Variants in ZNF100 observed in about 807,000 individuals in gnomAD.
ZNF100 encodes zinc finger protein 100, also known as zinc finger protein 100 (Y1).
ZNF100 carries 12 observed loss-of-function variants against 15.8 expected under a neutral mutation model. That is an observed-to-expected ratio of 0.76 (90% CI 0.49 to 1.23). The LOEUF is 1.23. ZNF100 is among the 50% of genes most tolerant of loss of function. ZNF100 has a pLI of 0.00. For synonymous variants in ZNF100, 226 were observed against 214.8 expected (o/e 1.05, Z -0.45); for missense variants, 670 against 635.6 (o/e 1.05, Z -0.58).
At chr19:21,755,013 T>C (rs1435442001) in intron 2 of ZNF100, among the ~76,000 whole-genome samples, 2 of 152,170 alleles carry the variant, frequency 1.3e-5, no homozygotes, top group Non-Finnish European at 2.9e-5. Context: ...GACATTTATG[T>C]GGCCAACAAA....
At chr19:21,755,596 G>A (rs997617240) in intron 2 of ZNF100, among the ~76,000 whole-genome samples, 1 of 151,958 alleles carries the variant, frequency 6.6e-6, no homozygotes. Context: ...ATACCCAAAG[G>A]AATATAAACC....
chr19:21,740,380 C>T (rs1031822147), intron 4 of ZNF100, among the ~76,000 whole-genome samples: 4 of 152,036 alleles, frequency 2.6e-5, no homozygotes, highest in African/African-American at 9.7e-5. Context: ...AAAGTCATGA[C>T]ATGGGTCTTG....
At position 21,724,810 on chromosome 19, in the gene ZNF100, G is replaced by C. The variant is rs2035746663; in HGVS notation, c.*1873C>G. The stretch of plus-strand genomic sequence containing the variant: ...CTCATGCCTGTAATCCCAGAACTTT[G>C]GGAAGCCGAGGCAGGCAAATCATTT... On this transcript the variant is annotated 3_prime_UTR_variant, in exon 5 of 5. Transcript: ENST00000358296. 6.6e-6 allele frequency: 1 copy of C among 152,082 alleles called. No homozygotes were observed. The highest frequency in any genetic ancestry group is 2.4e-5 in the African/African-American group (1 of 41,400). 9.4% of individuals were successfully genotyped at this position (152,082 alleles called of 1,614,324 possible).
chr19:21,745,088 GAC>G (rs776217016), intron 2 of ZNF100, 21 bp from the exon 3 acceptor site: 5 of 1,588,350 alleles, frequency 3.1e-6, no homozygotes, highest in African/African-American at 1.4e-5. Flanking sequence ...CAAGCACAGA[GAC>G]ACACATATAT....
chr19:21,730,830 CAAT>C (rs1022281453), intron 4 of ZNF100, among the ~76,000 whole-genome samples: 7 of 150,430 alleles, frequency 4.7e-5, no homozygotes, highest in East Asian at 2.0e-4. Context: ...GAGTATAAAA[CAAT>C]AATAGAAAAA....
At chr19:21,744,527 C>T (rs1293078008) in intron 3 of ZNF100, among the ~76,000 whole-genome samples, 1 of 152,124 alleles carries the variant, frequency 6.6e-6, no homozygotes, top group African/African-American at 2.4e-5. Context: ...CGCCTGCCAC[C>T]ATGCCCGGCT....
At chr19:21,732,551 TATAAA>T (rs2035937934) in intron 4 of ZNF100, among the ~76,000 whole-genome samples, 1 of 151,784 alleles carries the variant, frequency 6.6e-6, no homozygotes, top group Admixed American at 6.6e-5. Flanking sequence ...ACAATGGCAA[TATAAA>T]ATAAAACACC....
intron 4 of ZNF100, among the ~76,000 whole-genome samples, chr19:21,733,328 C>CTT (rs781255358): frequency 0.082 from 12,436 of 151,876 alleles, 637 homozygotes; most frequent in South Asian, 0.18. Context: ...GAAAATATAA[C>CTT]AACAGAGGTT....
chr19:21,748,790 T>C (rs1021072098), intron 2 of ZNF100, among the ~76,000 whole-genome samples: 5 of 152,160 alleles, frequency 3.3e-5, no homozygotes, highest in African/African-American at 1.2e-4. Context: ...ACGCAAACTC[T>C]ACCTCCTGGG....
chr19:21,728,255 A>G (rs1372536918), intron 4 of ZNF100, among the ~76,000 whole-genome samples: 2 of 152,108 alleles, frequency 1.3e-5, no homozygotes, highest in African/African-American at 2.4e-5. Flanking sequence ...CATTTACCCA[A>G]CAGAGCTCTT....
At chr19:21,765,015 T>C (rs1382798029) in intron 2 of ZNF100, among the ~76,000 whole-genome samples, 2 of 151,774 alleles carry the variant, frequency 1.3e-5, no homozygotes, top group Non-Finnish European at 2.9e-5. Context: ...CACTCAGCCA[T>C]AAAAAAAACA....
chr19:21,756,245 C>T (rs990629694), intron 2 of ZNF100, among the ~76,000 whole-genome samples: 9 of 152,132 alleles, frequency 5.9e-5, no homozygotes, highest in South Asian at 2.1e-4. Context: ...CTTTCACAAA[C>T]TTACAGCCAA....
intron 2 of ZNF100, chr19:21,752,575 A>AC (rs1555707316): frequency 2.6e-5 from 4 of 152,584 alleles, no homozygotes; most frequent in African/African-American, 9.7e-5. Flanking sequence ...AGTATCAGTT[A>AC]TGATATCTAC....
chr19:21,727,953 T>G lies in ZNF100; in HGVS notation c.359A>C (p.Glu120Ala). The G allele has an allele frequency of 1.3e-6, 2 of 1,557,656 alleles. No individual in the cohort carries two copies. Among genetic ancestry groups the G allele is most frequent in the Non-Finnish European group, 8.6e-7 (1 of 1,157,102 alleles). Residue 120 changes from glutamate (E) to alanine (A), a missense_variant, in exon 5 of 5, where the codon GAG (glutamate) becomes GCG (alanine). Glu to Ala is a moderately radical substitution (Grantham distance 107). Coordinates refer to ENST00000358296, the MANE Select transcript of ZNF100 (RefSeq NM_173531.4). The stretch of plus-strand genomic sequence containing the variant: ...TTGAAAAGAATCTTTAATGTCCTGC[T>G]CTGCCCAAAGGTCTTGGGGAAAATG... ...CSHFPQDLWAEQDIKDSFQEA... is the reference protein window; with the variant it reads ...CSHFPQDLWAAQDIKDSFQEA...
chr19:21,767,479 T>C lies in ZNF100; in HGVS notation c.-50A>G. 6.2e-7 allele frequency: 1 copy of C among 1,612,564 alleles called. No homozygotes were observed. Among genetic ancestry groups the C allele is most frequent in the Non-Finnish European group, 8.5e-7 (1 of 1,178,958 alleles). On this transcript the variant is annotated 5_prime_UTR_variant, in exon 1 of 5. Transcript: ENST00000358296. ...CGTCTTAGCTGTGGATCTCCCAATATCTGCAGGTCAGAGGGCCACACAGGC... is the reference window on the plus strand; with the variant it reads ...CGTCTTAGCTGTGGATCTCCCAATACCTGCAGGTCAGAGGGCCACACAGGC...
At chr19:21,734,193 C>T (rs1239664344) in intron 4 of ZNF100, among the ~76,000 whole-genome samples, 3 of 152,160 alleles carry the variant, frequency 2.0e-5, no homozygotes, top group Non-Finnish European at 4.4e-5. Flanking sequence ...AGCAAGAGCA[C>T]AGAACCGGGA....
At chr19:21,742,387 T>C (rs1359391627) in intron 4 of ZNF100, among the ~76,000 whole-genome samples, 2 of 146,036 alleles carry the variant, frequency 1.4e-5, no homozygotes, top group African/African-American at 5.0e-5. Context: ...TTTTTTTTTT[T>C]TTTTTTTTGA....
intron 1 of ZNF100, among the ~76,000 whole-genome samples, chr19:21,766,930 G>A (rs897193201): frequency 6.6e-6 from 1 of 152,164 alleles, no homozygotes; most frequent in Non-Finnish European, 1.5e-5. Context: ...GGAGGCGGAG[G>A]TTGCAGTGAG....
At chr19:21,760,765 T>G (rs1241041155) in intron 2 of ZNF100, among the ~76,000 whole-genome samples, 1 of 147,802 alleles carries the variant, frequency 6.8e-6, no homozygotes, top group Non-Finnish European at 1.5e-5. Flanking sequence ...TTTTTTTTTT[T>G]TTTTTTTTTG....
Sources: gnomAD v4.1 joint callset for allele counts (sites outside exome capture counted in the v4.1 genomes callset) on GRCh38, gnomAD v4.1.1 for gene constraint, MANE v1.5 for transcripts, NCBI Gene and HGNC (gene_info 2026-07-23, HGNC 2026-07-21) for gene names.